TMEFF1: variants seen among roughly 807,000 people sequenced by gnomAD.
The protein encoded by TMEFF1 is tomoregulin-1.
A neutral mutation model predicts 47.5 loss-of-function variants in TMEFF1; 20 were observed. The observed-to-expected ratio is 0.42, with a 90% CI of 0.30 to 0.61. TMEFF1 has a LOEUF of 0.61. TMEFF1 is among the 20% of genes least tolerant of loss of function. The probability of loss-of-function intolerance (pLI) is 0.19; values close to 1 mark genes in which losing one functional copy is unlikely to be tolerated. For missense variants in TMEFF1, 411 were observed against 471.1 expected, an observed-to-expected ratio of 0.87 and a Z score of 1.18; for synonymous variants, 162 against 166.3, an observed-to-expected ratio of 0.97 and a Z score of 0.20.
chr9:100,506,636 G>A (rs1004223758), intron 2 of TMEFF1, among the ~76,000 whole-genome samples: 13 of 151,188 alleles, frequency 8.6e-5, no homozygotes, highest in Non-Finnish European at 1.5e-4. Context: ...ACGTGGTGGC[G>A]GGCGCCTGTA....
intron 5 of TMEFF1, among the ~76,000 whole-genome samples, chr9:100,536,848 A>T (rs1838521764): frequency 2.0e-5 from 3 of 152,196 alleles, no homozygotes. Context: ...AACTTTTCTT[A>T]AAAGGTGTTC....
intron 5 of TMEFF1, among the ~76,000 whole-genome samples, chr9:100,524,127 A>T (rs1838214533): frequency 1.3e-5 from 2 of 150,772 alleles, no homozygotes; most frequent in Non-Finnish European, 2.9e-5. Flanking sequence ...GTGCAAGCAG[A>T]TATGTACATA....
intron 5 of TMEFF1, among the ~76,000 whole-genome samples, chr9:100,525,820 T>C (rs934503712): frequency 6.6e-6 from 1 of 152,192 alleles, no homozygotes; most frequent in African/African-American, 2.4e-5. Flanking sequence ...ACTCAAGATA[T>C]GTCAAGGGAA....
chr9:100,560,413 T>C (rs2118544662), intron 7 of TMEFF1, among the ~76,000 whole-genome samples: 1 of 152,288 alleles, frequency 6.6e-6, no homozygotes, highest in East Asian at 1.9e-4. Context: ...CCTGGGGATT[T>C]TTCCTGCACA....
chr9:100,576,514 A>G lies in TMEFF1; in HGVS notation c.1059-2A>G, dbSNP rs757973977. The stretch of plus-strand genomic sequence containing the variant: ...TCTCTCTTTCTTTTTTTAATGCAAC[A>G]GAAAATGCCCCAAAAACAATAGAGG... On this transcript the variant is annotated splice_acceptor_variant, in intron 9 of 9. Coordinates refer to ENST00000374879, the MANE Select transcript of TMEFF1 (RefSeq NM_003692.5). LOFTEE classifies it high-confidence loss of function. 25 of 1,605,962 alleles carry G rather than the reference A, an allele frequency of 1.6e-5. No homozygotes were observed. The highest frequency in any genetic ancestry group is 1.7e-5 in the Non-Finnish European group (20 of 1,177,972).
At chr9:100,569,589 G>T (rs893795949) in intron 8 of TMEFF1, among the ~76,000 whole-genome samples, 50 of 151,550 alleles carry the variant, frequency 3.3e-4, no homozygotes, top group Non-Finnish European at 7.1e-4. Context: ...GATTTTTGGT[G>T]TCATATCTAA....
intron 5 of TMEFF1, among the ~76,000 whole-genome samples, chr9:100,530,350 A>G (rs1838353076): frequency 6.6e-6 from 1 of 152,182 alleles, no homozygotes; most frequent in Non-Finnish European, 1.5e-5. Flanking sequence ...AAGACTAACA[A>G]AGAAAAAAAG....
chr9:100,473,628 G>T lies in TMEFF1; in HGVS notation c.84G>T (p.Leu28=). 6.4e-7 allele frequency: 1 copy of T among 1,559,484 alleles called. No individual in the cohort carries two copies. Residue 28 remains leucine (L), a synonymous_variant, in exon 1 of 10, where the codon CTG becomes CTT. Transcript: ENST00000374879. This position sits in a 1 kb window ranked among gnomAD's most constrained non-coding sequence, Gnocchi z 5.4. The stretch of plus-strand genomic sequence containing the variant: ...TCTGCTGCTACACGTCGGTGCTTCT[G>T]CTCTTCGCCTTCTCTCTGCCCGGGA... The part of the protein sequence containing the change: ...LAFCCYTSVL[L]LFAFSLPGSR...
rs574117152 is a variant in TMEFF1, at chr9:100,546,438, C to T, written c.561-1306C>T. Among the ~76,000 whole-genome samples, 9 of 151,724 alleles carry T rather than the reference C, an allele frequency of 5.9e-5. 1 individual carries two copies. In the East Asian group the frequency reaches 7.8e-4, roughly 13 times the overall value. ...TTCCCCCATAATTCAATCCCCCCCCCACCAGGTTCCTCCCACAACACACGG... is the reference window on the plus strand; with the variant it reads ...TTCCCCCATAATTCAATCCCCCCCCTACCAGGTTCCTCCCACAACACACGG... On this transcript the variant is annotated intron_variant, in intron 5 of 9. Transcript: ENST00000374879.
chr9:100,518,414 T>C, intron 5 of TMEFF1: 1 of 985,228 alleles, frequency 1.0e-6, no homozygotes, highest in East Asian at 1.1e-4. Context: ...ACCACTATTG[T>C]TGCAGATACC....
intron 5 of TMEFF1, among the ~76,000 whole-genome samples, chr9:100,527,849 G>A (rs896131235): frequency 2.0e-5 from 3 of 152,218 alleles, no homozygotes; most frequent in African/African-American, 7.2e-5. Context: ...CCGTCTGACA[G>A]CTTTGACGAG....
intron 2 of TMEFF1, among the ~76,000 whole-genome samples, chr9:100,506,774 A>G (rs1006138201): frequency 9.2e-5 from 14 of 151,530 alleles, no homozygotes; most frequent in African/African-American, 3.4e-4. Flanking sequence ...CTCAAAAAAA[A>G]AAAAAAAAAA....
chr9:100,545,243 T>G (rs1838710452), intron 5 of TMEFF1, among the ~76,000 whole-genome samples: 1 of 152,244 alleles, frequency 6.6e-6, no homozygotes, highest in Middle Eastern at 3.2e-3. Context: ...GCCCCACCCC[T>G]GCAGCAAACT....
At position 100,523,015 on chromosome 9, in the gene TMEFF1, G is replaced by A. The variant is rs114862230; in HGVS notation, c.560+6244G>A. 6.6e-3 allele frequency among the ~76,000 whole-genome samples: 1,011 copies of A among 152,326 alleles called. 6 individuals carry two copies. Among genetic ancestry groups the A allele is most frequent in the African/African-American group, 0.024 (984 of 41,570 alleles). Reference sequence around the variant, plus strand: ...AGCTTCCCAAAGTGCTGGGATTGCAGGCGTGGGCTACCACGCCCAGCCCAG... The same window carrying A: ...AGCTTCCCAAAGTGCTGGGATTGCAAGCGTGGGCTACCACGCCCAGCCCAG... On this transcript the variant is annotated intron_variant, in intron 5 of 9. Coordinates refer to ENST00000374879, the MANE Select transcript of TMEFF1 (RefSeq NM_003692.5).
At chr9:100,532,210 G>A (rs1838397364) in intron 5 of TMEFF1, among the ~76,000 whole-genome samples, 1 of 151,874 alleles carries the variant, frequency 6.6e-6, no homozygotes, top group African/African-American at 2.4e-5. Context: ...AACACCAAAA[G>A]CAATGGCAAC....
chr9:100,562,850 G>T (rs549498064), intron 8 of TMEFF1, among the ~76,000 whole-genome samples: 1 of 151,060 alleles, frequency 6.6e-6, no homozygotes, highest in East Asian at 1.9e-4. Context: ...ATGGAGTCTC[G>T]CTCTGTCACC....
At chr9:100,495,541 A>C (rs995999411) in intron 1 of TMEFF1, among the ~76,000 whole-genome samples, 44 of 152,182 alleles carry the variant, frequency 2.9e-4, no homozygotes, top group African/African-American at 1.1e-3. Context: ...TATATTAGCA[A>C]GATCATCCCG....
chr9:100,539,772 C>G (rs1323602619), intron 5 of TMEFF1, among the ~76,000 whole-genome samples: 1 of 152,162 alleles, frequency 6.6e-6, no homozygotes. Context: ...TGCTTTTATT[C>G]CCTTATCTGA....
intron 5 of TMEFF1, among the ~76,000 whole-genome samples, chr9:100,537,746 T>C (rs1014347310): frequency 1.3e-5 from 2 of 152,228 alleles, no homozygotes; most frequent in Non-Finnish European, 2.9e-5. Flanking sequence ...CCACGCATAG[T>C]AGATTGTTGT....
Sources: allele counts gnomAD v4.1 joint callset (sites outside exome capture counted in the v4.1 genomes callset), GRCh38; gene constraint gnomAD v4.1.1; non-coding constraint Gnocchi (gnomAD v3.1); transcripts MANE v1.5; gene names NCBI Gene and HGNC (gene_info 2026-07-23, HGNC 2026-07-21).